Variants in IL15 observed in about 807,000 individuals in gnomAD.
IL15 encodes the protein interleukin 15.
In IL15, 11 loss-of-function variants were observed where a neutral mutation model predicts 19.6. That is an observed-to-expected ratio of 0.56 (90% confidence interval 0.35 to 0.93). IL15 has a LOEUF of 0.93. Ranked by LOEUF, IL15 falls within the 40% of genes least tolerant of loss-of-function variation. The probability of loss-of-function intolerance (pLI) is 0.01; values close to 1 mark genes in which losing one functional copy is unlikely to be tolerated. For synonymous variants in IL15, 58 were observed against 59.6 expected, an observed-to-expected ratio of 0.97 and a Z score of 0.12; for missense variants, 197 against 186.5, an observed-to-expected ratio of 1.06 and a Z score of -0.33.
rs1317358554 is a variant in IL15 at position 141,636,600 on chromosome 4, G to A, written c.-370G>A. ...TCACTTTTCTTTTCGCCAGGGGTTG[G>A]GACTCCGGGTGGCAGGCGCCCGGGG... is the stretch of plus-strand genomic sequence containing the variant. On this transcript the variant is annotated 5_prime_UTR_variant, in exon 1 of 8. Coordinates refer to ENST00000320650, the MANE Select transcript of IL15 (RefSeq NM_000585.5). 2 of 152,070 alleles carry A rather than the reference G, an allele frequency of 1.3e-5. No homozygotes were observed. The highest frequency in any genetic ancestry group is 4.8e-5 in the African/African-American group (2 of 41,370). 9.4% of individuals were successfully genotyped at this position (152,070 alleles called of 1,614,324 possible).
intron 2 of IL15, among the ~76,000 whole-genome samples, chr4:141,709,149 A>G (rs1449431214): frequency 1.3e-5 from 2 of 151,618 alleles, no homozygotes; most frequent in Admixed American, 6.6e-5. Context: ...ATAGTTCAAT[A>G]CTATTAATTT....
chr4:141,676,082 T>C (rs1728331567), intron 2 of IL15, among the ~76,000 whole-genome samples: 1 of 152,190 alleles, frequency 6.6e-6, no homozygotes, highest in Non-Finnish European at 1.5e-5. Context: ...GTCTTTTTTG[T>C]CTGGGTCTTG....
At chr4:141,695,523 GT>G (rs1560924057) in intron 2 of IL15, among the ~76,000 whole-genome samples, 1 of 151,918 alleles carries the variant, frequency 6.6e-6, no homozygotes, top group Non-Finnish European at 1.5e-5. Flanking sequence ...CTTGGAAATA[GT>G]GCTGCGATAA....
Position 141,727,985 on chromosome 4 carries a change from G to A in IL15, c.240+1G>A, listed in dbSNP as rs1490859252. 3 of 1,324,266 alleles carry A rather than the reference G, an allele frequency of 2.3e-6. No individual in the cohort carries two copies. Among genetic ancestry groups the A allele is most frequent in the African/African-American group, 1.5e-5 (1 of 67,410 alleles). The allele number at this position is 1,324,266 out of a possible 1,614,324, so 82.0% of individuals were successfully genotyped here. ...TTTATATACGGAAAGTGATGTTCAC[G>A]TGAGTATACTTTTTTTCAAAATTGC... On this transcript the variant is annotated splice_donor_variant, in intron 6 of 7. Coordinates refer to ENST00000320650, the MANE Select transcript of IL15 (RefSeq NM_000585.5). LOFTEE classifies it high-confidence loss of function.
intron 7 of IL15, 33 bp from the exon 8 acceptor site, chr4:141,732,705 A>G: frequency 6.2e-7 from 1 of 1,602,272 alleles, no homozygotes; most frequent in Non-Finnish European, 8.5e-7. Flanking sequence ...TTAATTATAA[A>G]TTGCCAATTT....
intron 1 of IL15, among the ~76,000 whole-genome samples, chr4:141,648,659 G>C (rs938177636): frequency 2.6e-5 from 4 of 151,982 alleles, no homozygotes; most frequent in African/African-American, 9.7e-5. Context: ...TCTGTATTTG[G>C]TATCTTTAGA....
intron 7 of IL15, among the ~76,000 whole-genome samples, chr4:141,730,653 C>T (rs1730421900): frequency 1.3e-5 from 2 of 152,066 alleles, no homozygotes; most frequent in Admixed American, 1.3e-4. Context: ...GCAACTTGAG[C>T]AGTAGAGGGT....
At chr4:141,650,317 T>G (rs1327646681) in intron 1 of IL15, among the ~76,000 whole-genome samples, 2 of 152,088 alleles carry the variant, frequency 1.3e-5, no homozygotes, top group African/African-American at 4.8e-5. Flanking sequence ...AATGATGGTG[T>G]AGGATAGTTA....
intron 6 of IL15, 106 bp downstream of exon 6, chr4:141,728,090 G>A (rs1164824527): frequency 1.6e-6 from 1 of 610,572 alleles, no homozygotes; most frequent in East Asian, 3.0e-5. Flanking sequence ...CTAACTTTTG[G>A]TGTGTTTCTA....
At chr4:141,720,623 T>G in intron 4 of IL15, 57 bp downstream of exon 4, 1 of 940,182 alleles carries the variant, frequency 1.1e-6, no homozygotes, top group South Asian at 1.3e-5. Flanking sequence ...TGATTGTCCT[T>G]GGATATATTT....
chr4:141,710,506 T>G (rs1729681853), intron 2 of IL15, among the ~76,000 whole-genome samples: 1 of 152,174 alleles, frequency 6.6e-6, no homozygotes, highest in African/African-American at 2.4e-5. Context: ...TTAAAATTTA[T>G]CTCTGTGTCT....
chr4:141,703,732 T>A (rs1162472781), intron 2 of IL15, among the ~76,000 whole-genome samples: 2 of 142,494 alleles, frequency 1.4e-5, no homozygotes, highest in East Asian at 2.0e-4. Flanking sequence ...CTATCTGCTA[T>A]CTTGAAAAAA....
intron 1 of IL15, among the ~76,000 whole-genome samples, chr4:141,653,354 G>A (rs2152157163): frequency 6.6e-6 from 1 of 152,180 alleles, no homozygotes; most frequent in African/African-American, 2.4e-5. Flanking sequence ...TTAAATCTGT[G>A]CTACATAATA....
rs369304799 is a variant in IL15, at chr4:141,730,317, TG to T, written c.378+334del. On this transcript the variant is annotated intron_variant, in intron 7 of 7. Coordinates refer to ENST00000320650, the MANE Select transcript of IL15 (RefSeq NM_000585.5). ...ACATTAATCTAATTACATACTCAAA[TG>T]TCTAACATCAATAATAGTAACTCAC... Among the ~76,000 whole-genome samples, 484 of 152,306 alleles carry T rather than the reference TG, an allele frequency of 3.2e-3. 4 individuals carry two copies. The highest frequency in any genetic ancestry group is 0.011 in the African/African-American group (467 of 41,584).
chr4:141,725,674 G>A (rs530621245), intron 5 of IL15, among the ~76,000 whole-genome samples: 1 of 152,234 alleles, frequency 6.6e-6, no homozygotes, highest in African/African-American at 2.4e-5. Context: ...TACAAAACAT[G>A]TTCAAAAAGT....
At chr4:141,722,077 CTG>C in intron 5 of IL15, 69 bp downstream of exon 5, 1 of 1,453,258 alleles carries the variant, frequency 6.9e-7, no homozygotes, top group South Asian at 1.6e-5. Flanking sequence ...CTGTGTTTTT[CTG>C]TCTGTCTTAA....
intron 2 of IL15, among the ~76,000 whole-genome samples, chr4:141,698,265 C>T (rs1286679089): frequency 6.6e-6 from 1 of 151,938 alleles, no homozygotes; most frequent in East Asian, 1.9e-4. Flanking sequence ...ATTTTTGTAT[C>T]TATGTTTAAC....
chr4:141,711,708 T>C (rs1486149716), intron 2 of IL15, among the ~76,000 whole-genome samples: 1 of 152,178 alleles, frequency 6.6e-6, no homozygotes, highest in Non-Finnish European at 1.5e-5. Context: ...TGCATACTTA[T>C]ATCCCACATC....
rs548300028 is a variant in IL15, at chr4:141,695,898, T to G, written c.-99-23468T>G. Among the ~76,000 whole-genome samples, 9 of 152,268 alleles carry G rather than the reference T, an allele frequency of 5.9e-5. No individual in the cohort carries two copies. The East Asian group carries it at 1.7e-3, about 29-fold the overall frequency. ...TTAATATTTTCTCCTTTTCTGTATG[T>G]TATCTCTTCACTCTGTTAATAGTTT... On this transcript the variant is annotated intron_variant, in intron 2 of 7. Coordinates refer to ENST00000320650, the MANE Select transcript of IL15 (RefSeq NM_000585.5).
Sources: gnomAD v4.1 joint callset for allele counts (sites outside exome capture counted in the v4.1 genomes callset) on GRCh38, gnomAD v4.1.1 for gene constraint, MANE v1.5 for transcripts, NCBI Gene and HGNC (gene_info 2026-07-23, HGNC 2026-07-21) for gene names.